MAP2: variants seen among roughly 807,000 people sequenced by gnomAD.
The protein encoded by MAP2 is microtubule associated protein 2, also known as microtubule-associated protein 2.
In MAP2, 14 loss-of-function variants were observed where a neutral mutation model predicts 137.6. The observed-to-expected ratio is 0.10, with a 90% CI of 0.07 to 0.16. MAP2 has a LOEUF of 0.16. Among genes scored for constraint, MAP2 ranks in the 10% least tolerant of loss-of-function variants. The pLI is 1.00. For missense variants in MAP2, 2,088 were observed against 2,191.5 expected (o/e 0.95, Z 0.94); for synonymous variants, 786 against 782.3 (o/e 1.00, Z -0.08).
At position 209,567,914 on chromosome 2, in the gene MAP2, C is replaced by T. The variant is rs542954167; in HGVS notation, c.-171-12122C>T. Among the ~76,000 whole-genome samples the T allele has an allele frequency of 7.9e-5, 12 of 152,042 alleles. No homozygotes were observed. The East Asian group carries it at 1.9e-3, about 24-fold the overall frequency. ...AGTTTTAGTAGAAATAGAAACAGTA[C>T]GCCCACTCTTCATCTAAGTTCCTGT... is the stretch of plus-strand genomic sequence containing the variant. On this transcript the variant is annotated intron_variant, in intron 2 of 15. Coordinates refer to ENST00000682079, the MANE Select transcript of MAP2 (RefSeq NM_001375505.1).
At chr2:209,511,865 C>T (rs958830364) in intron 2 of MAP2, among the ~76,000 whole-genome samples, 1 of 152,070 alleles carries the variant, frequency 6.6e-6, no homozygotes, top group African/African-American at 2.4e-5. Flanking sequence ...AGTCACTGTG[C>T]CTGGTCAATT....
At position 209,641,711 on chromosome 2, in the gene MAP2, A is replaced by G. The variant is rs966100661; in HGVS notation, c.-29-11431A>G. ...GGGTGGGGGGACTTAAAAAAAAGAA[A>G]AAAAAATTACTGGTAGAGACTAAAG... On this transcript the variant is annotated intron_variant, in intron 4 of 15. Coordinates refer to ENST00000682079, the MANE Select transcript of MAP2 (RefSeq NM_001375505.1). Among the ~76,000 whole-genome samples the G allele has an allele frequency of 3.3e-5, 5 of 152,148 alleles. No homozygotes were observed. The East Asian group carries it at 9.7e-4, about 29-fold the overall frequency.
intron 1 of MAP2, among the ~76,000 whole-genome samples, chr2:209,459,666 C>T: frequency 6.6e-6 from 1 of 152,184 alleles, no homozygotes; most frequent in Non-Finnish European, 1.5e-5. Flanking sequence ...ATCTGAGGTG[C>T]TTTTCTACTG....
At chr2:209,537,275 T>C (rs1221236908) in intron 2 of MAP2, among the ~76,000 whole-genome samples, 3 of 152,206 alleles carry the variant, frequency 2.0e-5, no homozygotes, top group Non-Finnish European at 2.9e-5. Flanking sequence ...GTTACTATAG[T>C]AATTATTTTG....
chr2:209,454,518 G>A (rs1365999667), intron 1 of MAP2, among the ~76,000 whole-genome samples: 1 of 151,902 alleles, frequency 6.6e-6, no homozygotes, highest in Non-Finnish European at 1.5e-5. Flanking sequence ...GTATTTTTTA[G>A]TAGAGATAGG....
intron 3 of MAP2, among the ~76,000 whole-genome samples, chr2:209,611,687 T>C (rs16843236): frequency 0.05 from 7,558 of 152,064 alleles, 437 homozygotes; most frequent in South Asian, 0.23. Flanking sequence ...TCCATAACAG[T>C]GTTAGTCAAC....
chr2:209,471,777 A>G (rs1303886829), intron 1 of MAP2, among the ~76,000 whole-genome samples: 4 of 152,114 alleles, frequency 2.6e-5, no homozygotes, highest in African/African-American at 9.7e-5. Flanking sequence ...GGGTTAAATT[A>G]GGTTTTAAAA....
chr2:209,489,633 C>T (rs1478624860), intron 1 of MAP2, among the ~76,000 whole-genome samples: 1 of 152,114 alleles, frequency 6.6e-6, no homozygotes, highest in Non-Finnish European at 1.5e-5. Flanking sequence ...AGCACGAGAA[C>T]TTCATGAAGC....
At position 209,693,254 on chromosome 2, in the gene MAP2, G is replaced by A; in HGVS notation, c.1084G>A (p.Ala362Thr). The A allele has an allele frequency of 6.2e-7, 1 of 1,614,000 alleles. No individual in the cohort carries two copies. The highest frequency in any genetic ancestry group is 8.5e-7 in the Non-Finnish European group (1 of 1,180,000). The part of the protein sequence containing the change: ...SLQQTSGPAT[A>T]KDSFKIEEPH... Reference sequence around the variant, plus strand: ...GCAACAAACCAGTGGCCCAGCTACTGCCAAAGATAGTTTTAAAATTGAAGA... The same window carrying A: ...GCAACAAACCAGTGGCCCAGCTACTACCAAAGATAGTTTTAAAATTGAAGA... Residue 362 changes from alanine to threonine, a missense_variant, in exon 8 of 16, where the codon GCC becomes ACC. Ala to Thr is a moderately conservative substitution (Grantham distance 58). Around this residue, in one of 6 missense-constraint regions of MAP2, gnomAD observed 859 missense variants for 794.5 expected, o/e 1.08. Coordinates refer to ENST00000682079, the MANE Select transcript of MAP2 (RefSeq NM_001375505.1).
At chr2:209,676,522 T>C (rs985357730) in intron 5 of MAP2, among the ~76,000 whole-genome samples, 1 of 151,552 alleles carries the variant, frequency 6.6e-6, no homozygotes, top group Non-Finnish European at 1.5e-5. Flanking sequence ...GCTGCACATG[T>C]ACCCCTGAAC....
rs763042972 is a variant in MAP2, at chr2:209,693,538, GCCAAAAGAGAGTAAA to G, written c.1371_1385del (p.Lys458_Pro462del). 10 of 1,611,612 alleles carry G rather than the reference GCCAAAAGAGAGTAAA, an allele frequency of 6.2e-6. No homozygotes were observed. The highest frequency in any genetic ancestry group is 8.5e-6 in the Non-Finnish European group (10 of 1,179,512). ...CCACCATTTCTGACAAAGAAGCTGT[GCCAAAAGAGAGTAAA>G]CCCCCAAAACCTGCAGATGAAGAAA... is the stretch of plus-strand genomic sequence containing the variant. On this transcript the variant is annotated inframe_deletion, in exon 8 of 16. Transcript: ENST00000682079.
intron 2 of MAP2, among the ~76,000 whole-genome samples, chr2:209,547,884 C>T (rs988366686): frequency 1.3e-5 from 2 of 152,148 alleles, no homozygotes; most frequent in African/African-American, 4.8e-5. Flanking sequence ...AATTCTTTCA[C>T]ATTTTTGATG....
At chr2:209,690,504 G>T in intron 7 of MAP2, 1 of 931,622 alleles carries the variant, frequency 1.1e-6, no homozygotes, top group Non-Finnish European at 1.4e-6. Flanking sequence ...GTCTTCATGA[G>T]GTCATTCTAA....
At chr2:209,549,452 C>G (rs1321485669) in intron 2 of MAP2, among the ~76,000 whole-genome samples, 1 of 152,162 alleles carries the variant, frequency 6.6e-6, no homozygotes. Flanking sequence ...TTGAAATCCT[C>G]TCTAGAACTG....
chr2:209,499,071 T>C (rs1447447966), intron 1 of MAP2, among the ~76,000 whole-genome samples: 1 of 152,224 alleles, frequency 6.6e-6, no homozygotes, highest in East Asian at 1.9e-4. Context: ...TTTTATGCTG[T>C]GCTTCCCTTT....
chr2:209,504,161 G>C (rs543716126), intron 1 of MAP2, among the ~76,000 whole-genome samples: 12 of 151,986 alleles, frequency 7.9e-5, no homozygotes, highest in Admixed American at 5.2e-4. Context: ...TTCCAGTTGT[G>C]GGGAGGAGGA....
At chr2:209,522,211 A>T (rs1326286518) in intron 2 of MAP2, among the ~76,000 whole-genome samples, 4 of 152,156 alleles carry the variant, frequency 2.6e-5, no homozygotes, top group Non-Finnish European at 5.9e-5. Flanking sequence ...AGACAGTAAT[A>T]TAAATTCCAA....
intron 2 of MAP2, among the ~76,000 whole-genome samples, chr2:209,559,315 A>G (rs1232345179): frequency 6.6e-6 from 1 of 151,570 alleles, no homozygotes; most frequent in East Asian, 1.9e-4. Flanking sequence ...CATCATTATT[A>G]TATTTGGTGC....
intron 2 of MAP2, among the ~76,000 whole-genome samples, chr2:209,544,149 C>T (rs377090281): frequency 1.3e-4 from 19 of 151,806 alleles, no homozygotes; most frequent in African/African-American, 4.6e-4. Flanking sequence ...AGGAGAATGG[C>T]GTGAACCTGG....
Sources: gnomAD v4.1 joint callset for allele counts (sites outside exome capture counted in the v4.1 genomes callset) on GRCh38, gnomAD v4.1.1 for gene constraint, gnomAD v4.1.1 regional missense constraint, MANE v1.5 for transcripts, NCBI Gene and HGNC (gene_info 2026-07-23, HGNC 2026-07-21) for gene names.